The following GALNT17 variants were observed in gnomAD, a reference collection of about 807,000 sequenced individuals.
GALNT17 encodes the protein UDP-GalNAc:polypeptide N-acetylgalactosaminyltransferase-like 3.
A neutral mutation model predicts 63.7 loss-of-function variants in GALNT17; 29 were observed. The ratio of observed to expected loss-of-function variants is 0.46; its 90% CI spans 0.34 to 0.62. GALNT17 has a LOEUF of 0.62. GALNT17 is among the 20% of genes least tolerant of loss of function. GALNT17 has a pLI of 0.01. For synonymous variants in GALNT17, 305 were observed against 318.3 expected (o/e 0.96, Z 0.45); for missense variants, 603 against 799.6 (o/e 0.75, Z 2.97).
At chr7:71,667,156 T>C (rs890210675) in intron 7 of GALNT17, among the ~76,000 whole-genome samples, 3 of 152,198 alleles carry the variant, frequency 2.0e-5, no homozygotes, top group Non-Finnish European at 4.4e-5. Flanking sequence ...GTGGTGCCCA[T>C]TGAGAGATGG....
intron 1 of GALNT17, among the ~76,000 whole-genome samples, chr7:71,166,937 T>G (rs1788451743): frequency 6.6e-6 from 1 of 152,170 alleles, no homozygotes; most frequent in Middle Eastern, 3.2e-3. Context: ...TCACTCAGGC[T>G]GGAGTACAGT....
chr7:71,624,269 C>T (rs17143730), intron 6 of GALNT17, among the ~76,000 whole-genome samples: 9,128 of 152,278 alleles, frequency 0.06, 424 homozygotes, highest in African/African-American at 0.13. Flanking sequence ...AGTGTCCTCA[C>T]ACCAGGGCCT....
At chr7:71,574,533 G>A (rs2116885048) in intron 6 of GALNT17, among the ~76,000 whole-genome samples, 1 of 152,304 alleles carries the variant, frequency 6.6e-6, no homozygotes, top group African/African-American at 2.4e-5. Context: ...AGGCTGCAAG[G>A]TGATCTTGAC....
chr7:71,544,885 A>G (rs1017995561), intron 5 of GALNT17, among the ~76,000 whole-genome samples: 1 of 147,506 alleles, frequency 6.8e-6, no homozygotes, highest in African/African-American at 2.5e-5. Flanking sequence ...TAAGTAATTT[A>G]ATACCTGCAC....
At chr7:71,484,435 A>C (rs1209679713) in intron 5 of GALNT17, among the ~76,000 whole-genome samples, 3 of 152,122 alleles carry the variant, frequency 2.0e-5, no homozygotes, top group African/African-American at 7.2e-5. Flanking sequence ...CTGCAGTGAG[A>C]TGAGATCGTA....
At chr7:71,542,601 C>G (rs545630565) in intron 5 of GALNT17, among the ~76,000 whole-genome samples, 99 of 148,322 alleles carry the variant, frequency 6.7e-4, no homozygotes, top group African/African-American at 2.4e-3. Context: ...GAGGCTGAGA[C>G]AGGAGAATCG....
intron 5 of GALNT17, among the ~76,000 whole-genome samples, chr7:71,534,021 T>C (rs534744414): frequency 6.6e-6 from 1 of 152,300 alleles, no homozygotes; most frequent in East Asian, 1.9e-4. Flanking sequence ...CTGGTAAGTT[T>C]CAATTCCCTG....
intron 6 of GALNT17, among the ~76,000 whole-genome samples, chr7:71,573,694 G>T (rs1385163358): frequency 6.6e-6 from 1 of 152,128 alleles, no homozygotes; most frequent in East Asian, 1.9e-4. Flanking sequence ...TCATGTGCAG[G>T]TTTGTTATAT....
intron 1 of GALNT17, among the ~76,000 whole-genome samples, chr7:71,191,353 AT>A (rs397736163): frequency 1.2e-3 from 175 of 145,022 alleles, no homozygotes; most frequent in Middle Eastern, 3.5e-3. Context: ...TTCACTCAGC[AT>A]TTTTTTTTTT....
intron 5 of GALNT17, 133 bp from the exon 6 acceptor site, chr7:71,571,152 G>A (rs113950031): frequency 1.5e-6 from 1 of 673,316 alleles, no homozygotes; most frequent in South Asian, 1.7e-5. Flanking sequence ...TACATGCTAG[G>A]CTGGAACCCA....
At chr7:71,485,880 G>C (rs1006726750) in intron 5 of GALNT17, among the ~76,000 whole-genome samples, 1 of 152,178 alleles carries the variant, frequency 6.6e-6, no homozygotes, top group Non-Finnish European at 1.5e-5. Flanking sequence ...ATACAAGGAG[G>C]CAGTGCCCTT....
intron 1 of GALNT17, among the ~76,000 whole-genome samples, chr7:71,194,941 T>C (rs1057058838): frequency 6.6e-6 from 1 of 152,172 alleles, no homozygotes; most frequent in Non-Finnish European, 1.5e-5. Context: ...CTTCTCATCA[T>C]TGCACTCATC....
At chr7:71,679,374 A>G (rs1173936014) in intron 9 of GALNT17, among the ~76,000 whole-genome samples, 1 of 152,162 alleles carries the variant, frequency 6.6e-6, no homozygotes, top group African/African-American at 2.4e-5. Context: ...CTCCTGGGTG[A>G]CAGAGTGAGA....
chr7:71,362,290 C>G (rs1792418241), intron 2 of GALNT17, among the ~76,000 whole-genome samples: 1 of 152,138 alleles, frequency 6.6e-6, no homozygotes, highest in African/African-American at 2.4e-5. Flanking sequence ...GACTAAATCA[C>G]TTCTTTGTGT....
At position 71,710,911 on chromosome 7, in the gene GALNT17, C is replaced by T. The variant is rs573694816; in HGVS notation, c.1651C>T (p.Arg551Cys). 5.6e-6 allele frequency: 9 copies of T among 1,613,830 alleles called. No homozygotes were observed. Among genetic ancestry groups the T allele is most frequent in the East Asian group, 2.2e-5 (1 of 44,866 alleles). The change falls in exon 10 of 11, where the codon CGC becomes TGC. Residue 551 changes from arginine to cysteine, a missense_variant. Arg to Cys is a radical substitution (Grantham distance 180). Coordinates refer to ENST00000333538, the MANE Select transcript of GALNT17 (RefSeq NM_022479.3). The part of the protein sequence containing the change: ...CDKVKSSLYK[R>C]WNFIQNGAIM... ...CAAGGTCAAGAGCAGCCTGTACAAG[C>T]GCTGGAACTTCATCCAGGTGAGTGC...
At chr7:71,220,531 C>T (rs1056114824) in intron 1 of GALNT17, among the ~76,000 whole-genome samples, 2 of 152,180 alleles carry the variant, frequency 1.3e-5, no homozygotes. Context: ...CTAACTCACC[C>T]TAAATAGCCA....
At chr7:71,227,128 A>G (rs1026395941) in intron 1 of GALNT17, among the ~76,000 whole-genome samples, 2 of 133,314 alleles carry the variant, frequency 1.5e-5, no homozygotes, top group African/African-American at 5.5e-5. Flanking sequence ...GCTTGAACCC[A>G]GGAGTTCAAG....
intron 1 of GALNT17, among the ~76,000 whole-genome samples, chr7:71,302,255 T>C (rs1791214713): frequency 6.6e-6 from 1 of 152,160 alleles, no homozygotes; most frequent in Admixed American, 6.5e-5. Context: ...CGGGGCTGAA[T>C]ACCTAGGTGA....
intron 5 of GALNT17, among the ~76,000 whole-genome samples, chr7:71,523,135 C>T (rs1363696929): frequency 1.3e-5 from 2 of 152,184 alleles, no homozygotes; most frequent in African/African-American, 4.8e-5. Context: ...TTAAATTTTA[C>T]ATTTTAGGAG....
Sources: allele counts gnomAD v4.1 joint callset (sites outside exome capture counted in the v4.1 genomes callset), GRCh38; gene constraint gnomAD v4.1.1; transcripts MANE v1.5; gene names NCBI Gene and HGNC (gene_info 2026-07-23, HGNC 2026-07-21).